UMAD1: variants seen among roughly 807,000 people sequenced by gnomAD.
The protein encoded by UMAD1 is UBAP1-MVB12-associated (UMA)-domain containing protein 1.
In UMAD1, 8 loss-of-function variants were observed where a neutral mutation model predicts 6.1. The ratio of observed to expected loss-of-function variants is 1.30; its 90% confidence interval spans 0.76 to 2.35. The LOEUF is 2.35. UMAD1 is among the 30% of genes most tolerant of loss of function. UMAD1 has a pLI of 0.00. For synonymous variants in UMAD1, 56 were observed against 31.4 expected, an observed-to-expected ratio of 1.78 and a Z score of -2.61; for missense variants, 130 against 78.4, an observed-to-expected ratio of 1.66 and a Z score of -2.49.
At chr7:7,783,429 A>G (rs528434617) in intron 2 of UMAD1, among the ~76,000 whole-genome samples, 6 of 151,904 alleles carry the variant, frequency 3.9e-5, no homozygotes, top group Non-Finnish European at 8.8e-5. Context: ...AGAAATTCAG[A>G]TGCTGCACGG....
Position 7,877,360 on chromosome 7 carries a change from G to C in UMAD1, c.236G>C (p.Ser79Thr). 1 of 717,528 alleles carries C rather than the reference G, an allele frequency of 1.4e-6. No individual in the cohort carries two copies. Among genetic ancestry groups the C allele is most frequent in the Non-Finnish European group, 2.6e-6 (1 of 385,114 alleles). The allele number at this position is 717,528 out of a possible 1,614,324, so 44.4% of individuals were successfully genotyped here. A position where few individuals can be genotyped will look rare whatever the true frequency, so the allele number is the denominator to read the frequency against. Residue 79 changes from serine to threonine, a missense_variant, in exon 4 of 4, where the codon AGC (serine) becomes ACC (threonine). Ser to Thr is a moderately conservative substitution (Grantham distance 58). Transcript: ENST00000682710. ...AAGGCAGGCCAGACTCTGGAGAACA[G>C]CTCATTAATGGCCGAGCTCCTGAGC... ...ENKAGQTLEN[S>T]SLMAELLSDV...
At chr7:7,658,621 T>C (rs1785401630) in intron 1 of UMAD1, among the ~76,000 whole-genome samples, 1 of 152,196 alleles carries the variant, frequency 6.6e-6, no homozygotes, top group Non-Finnish European at 1.5e-5. Flanking sequence ...GTTTATTGAT[T>C]TGTGTATGTT....
At chr7:7,847,301 C>G (rs185416779) in intron 3 of UMAD1, among the ~76,000 whole-genome samples, 1 of 151,072 alleles carries the variant, frequency 6.6e-6, no homozygotes, top group Non-Finnish European at 1.5e-5. Flanking sequence ...TTCACTCTAG[C>G]TGATGCTTCA....
intron 2 of UMAD1, among the ~76,000 whole-genome samples, chr7:7,753,178 G>A (rs997352360): frequency 6.6e-6 from 1 of 152,040 alleles, no homozygotes; most frequent in Admixed American, 6.5e-5. Context: ...TATTTATGGA[G>A]TACATGAGAT....
chr7:7,735,319 T>A (rs1781332615), intron 2 of UMAD1, among the ~76,000 whole-genome samples: 1 of 152,176 alleles, frequency 6.6e-6, no homozygotes, highest in Admixed American at 6.5e-5. Context: ...ACACACATAC[T>A]CTAAAGACTT....
At chr7:7,740,914 C>T (rs534688930) in intron 2 of UMAD1, 8 of 152,294 alleles carry the variant, frequency 5.3e-5, no homozygotes, top group African/African-American at 1.7e-4. Context: ...ATAATGTTTG[C>T]AGTCACCTCC....
chr7:7,841,673 G>A (rs1284235438), intron 3 of UMAD1, among the ~76,000 whole-genome samples: 1 of 152,108 alleles, frequency 6.6e-6, no homozygotes, highest in Non-Finnish European at 1.5e-5. Context: ...TGGATCACTG[G>A]GAAAGCTGGC....
At position 7,667,291 on chromosome 7, in the gene UMAD1, A is replaced by G. The variant is rs145225756; in HGVS notation, c.-63-6018A>G. Among the ~76,000 whole-genome samples, 895 of 152,318 alleles carry G rather than the reference A, an allele frequency of 5.9e-3. 4 individuals carry two copies. The highest frequency in any genetic ancestry group is 0.014 in the Middle Eastern group (4 of 294). On this transcript the variant is annotated intron_variant, in intron 1 of 3. Transcript: ENST00000682710. ...AATGTAAAATTTGCTCATTGTAGAC[A>G]ATTGAAAAAAATACTGAAAACTACA... is the stretch of plus-strand genomic sequence containing the variant.
rs529771204 is a variant in UMAD1 at position 7,844,025 on chromosome 7, T to C, written c.157-33256T>C. Among the ~76,000 whole-genome samples the C allele has an allele frequency of 8.5e-5, 13 of 152,338 alleles. No homozygotes were observed. In the South Asian group the frequency reaches 2.5e-3, roughly 29 times the overall value. On this transcript the variant is annotated intron_variant, in intron 3 of 3. Coordinates refer to ENST00000682710, the MANE Select transcript of UMAD1 (RefSeq NM_001302348.2). ...AAAGTGTTCCTTTCTGGCTTGCCAGTGGGAATGAAGGAATGCTTTTGCGTA... is the reference window on the plus strand; with the variant it reads ...AAAGTGTTCCTTTCTGGCTTGCCAGCGGGAATGAAGGAATGCTTTTGCGTA...
At chr7:7,696,208 T>C (rs1780312204) in intron 2 of UMAD1, among the ~76,000 whole-genome samples, 1 of 151,578 alleles carries the variant, frequency 6.6e-6, no homozygotes, top group Admixed American at 6.6e-5. Context: ...GGTTTTGCCA[T>C]GTTGCCCAGG....
At chr7:7,762,961 T>C (rs1362526802) in intron 2 of UMAD1, among the ~76,000 whole-genome samples, 1 of 152,142 alleles carries the variant, frequency 6.6e-6, no homozygotes, top group Non-Finnish European at 1.5e-5. Flanking sequence ...TAAACGAAAA[T>C]AGAGAATATC....
intron 2 of UMAD1, among the ~76,000 whole-genome samples, chr7:7,684,945 T>G (rs1441152483): frequency 6.6e-6 from 1 of 152,224 alleles, no homozygotes. Context: ...TACCATGTTA[T>G]GTACATGGAA....
intron 1 of UMAD1, among the ~76,000 whole-genome samples, chr7:7,649,751 C>T (rs1268782145): frequency 6.6e-6 from 1 of 152,140 alleles, no homozygotes; most frequent in Non-Finnish European, 1.5e-5. Flanking sequence ...TCTCTCCCCC[C>T]ACCCAATTCA....
chr7:7,652,367 A>G (rs947472507), intron 1 of UMAD1, among the ~76,000 whole-genome samples: 5 of 152,196 alleles, frequency 3.3e-5, no homozygotes, highest in African/African-American at 7.2e-5. Context: ...TTCAGTTGAT[A>G]TAGTTATTAC....
intron 1 of UMAD1, among the ~76,000 whole-genome samples, chr7:7,660,153 G>T (rs1785438724): frequency 6.6e-6 from 1 of 152,090 alleles, no homozygotes; most frequent in African/African-American, 2.4e-5. Flanking sequence ...CATTTGCTTG[G>T]TAAATATTCT....
intron 3 of UMAD1, among the ~76,000 whole-genome samples, chr7:7,834,877 A>G (rs551688603): frequency 6.6e-6 from 1 of 152,276 alleles, no homozygotes; most frequent in African/African-American, 2.4e-5. Flanking sequence ...ATTATTTTTC[A>G]GGACACTTAC....
intron 2 of UMAD1, among the ~76,000 whole-genome samples, chr7:7,783,330 T>C (rs1782388571): frequency 6.6e-6 from 1 of 152,214 alleles, no homozygotes; most frequent in Non-Finnish European, 1.5e-5. Flanking sequence ...TAATTATTTC[T>C]CATGACTGTA....
At chr7:7,744,275 A>G (rs1314054735) in intron 2 of UMAD1, among the ~76,000 whole-genome samples, 1 of 152,208 alleles carries the variant, frequency 6.6e-6, no homozygotes, top group Non-Finnish European at 1.5e-5. Context: ...TTGTTGAATA[A>G]TATCCCATTG....
At chr7:7,859,976 T>C (rs10952076) in intron 3 of UMAD1, among the ~76,000 whole-genome samples, 104,863 of 152,050 alleles carry the variant, frequency 0.69, 37,049 homozygotes, top group Middle Eastern at 0.76. Flanking sequence ...ATTTTCCTCT[T>C]ATGATTTTTA....
Sources: gnomAD v4.1 joint callset for allele counts (sites outside exome capture counted in the v4.1 genomes callset) on GRCh38, gnomAD v4.1.1 for gene constraint, MANE v1.5 for transcripts, NCBI Gene and HGNC (gene_info 2026-07-23, HGNC 2026-07-21) for gene names.